Variants in ARHGAP10 observed in about 807,000 individuals in gnomAD.
ARHGAP10 encodes rho GTPase-activating protein 10.
ARHGAP10 carries 87 observed loss-of-function variants against 108.6 expected under a neutral mutation model. The observed-to-expected ratio is 0.80, with a 90% CI of 0.67 to 0.96. The LOEUF is 0.96. ARHGAP10 is among the 40% of genes least tolerant of loss of function. The pLI is 0.00. For synonymous variants in ARHGAP10, 347 were observed against 341.1 expected (o/e 1.02, Z -0.19); for missense variants, 939 against 954.5 (o/e 0.98, Z 0.21).
intron 20 of ARHGAP10, among the ~76,000 whole-genome samples, chr4:148,061,555 T>C (rs541727509): frequency 6.6e-6 from 1 of 152,298 alleles, no homozygotes; most frequent in South Asian, 2.1e-4. Flanking sequence ...ATAGATTTTA[T>C]GACTCCCAGA....
At chr4:148,065,970 A>AC (rs1250525068) in intron 22 of ARHGAP10, among the ~76,000 whole-genome samples, 3 of 106,088 alleles carry the variant, frequency 2.8e-5, no homozygotes, top group African/African-American at 7.2e-5. Flanking sequence ...ACACAGTGAG[A>AC]CCCCATCTCA....
At chr4:147,732,527 A>G in intron 1 of ARHGAP10, 72 bp downstream of exon 1, 1 of 1,584,906 alleles carries the variant, frequency 6.3e-7, no homozygotes, top group South Asian at 1.1e-5. Context: ...TCGGCAGGAG[A>G]CGGAGGGTCT....
rs531253659 is a variant in ARHGAP10, at chr4:147,934,325, C to T, written c.1229-5500C>T. On this transcript the variant is annotated intron_variant, in intron 13 of 22. Transcript: ENST00000336498. Reference sequence around the variant, plus strand: ...ATGTTGGTCTGCACTCTCAAAGTGACCCTCCCAGGTCTTGGGCTCCACCAA... The same window carrying T: ...ATGTTGGTCTGCACTCTCAAAGTGATCCTCCCAGGTCTTGGGCTCCACCAA... Among the ~76,000 whole-genome samples, 7 of 152,276 alleles carry T rather than the reference C, an allele frequency of 4.6e-5. No individual in the cohort carries two copies. The East Asian group carries it at 1.4e-3, about 29-fold the overall frequency.
At chr4:147,893,727 T>C (rs1735880646) in intron 10 of ARHGAP10, among the ~76,000 whole-genome samples, 1 of 151,922 alleles carries the variant, frequency 6.6e-6, no homozygotes, top group Non-Finnish European at 1.5e-5. Flanking sequence ...ATGTGATTTG[T>C]TCAATGATGA....
chr4:148,025,926 T>C (rs1741748568), intron 19 of ARHGAP10, among the ~76,000 whole-genome samples: 1 of 152,230 alleles, frequency 6.6e-6, no homozygotes, highest in Admixed American at 6.5e-5. Flanking sequence ...TTCTAGTTTA[T>C]ATGGGACAGA....
In ARHGAP10 at chr4:147,852,704, C is replaced by CT. The variant is rs869139032; in HGVS notation, c.385-4823dup. Among the ~76,000 whole-genome samples the CT allele has an allele frequency of 1.4e-3, 151 of 105,554 alleles. 1 individual carries two copies. The highest frequency in any genetic ancestry group is 4.7e-3 in the African/African-American group (131 of 28,016). 69.2% of individuals were successfully genotyped at this position (105,554 alleles called of 152,430 possible). A position where few individuals can be genotyped will look rare whatever the true frequency, so the allele number is the denominator to read the frequency against. On this transcript the variant is annotated intron_variant, in intron 4 of 22. Coordinates refer to ENST00000336498, the MANE Select transcript of ARHGAP10 (RefSeq NM_024605.4). Reference sequence around the variant, plus strand: ...TTTCTGGTCTCAGAACATCACCAAACTTTTTTTTTTTTTTTTTTTTTTTTT... The same window carrying CT: ...TTTCTGGTCTCAGAACATCACCAAACTTTTTTTTTTTTTTTTTTTTTTTTTT...
intron 16 of ARHGAP10, among the ~76,000 whole-genome samples, chr4:147,960,679 T>C (rs2126990744): frequency 6.6e-6 from 1 of 152,316 alleles, no homozygotes; most frequent in South Asian, 2.1e-4. Flanking sequence ...AATTTTCACA[T>C]GTAATCAGCC....
chr4:147,854,607 G>A (rs1480393567), intron 4 of ARHGAP10: 7 of 693,584 alleles, frequency 1.0e-5, no homozygotes, highest in African/African-American at 2.0e-5. Context: ...AGTATTGGGG[G>A]AAAAAAAAAG....
At chr4:147,767,927 A>G (rs899038223) in intron 1 of ARHGAP10, among the ~76,000 whole-genome samples, 19 of 152,234 alleles carry the variant, frequency 1.2e-4, no homozygotes, top group African/African-American at 4.1e-4. Context: ...GAGCAAAGAT[A>G]TGAGATTATC....
chr4:147,936,065 G>C (rs558937031), intron 13 of ARHGAP10, among the ~76,000 whole-genome samples: 14 of 152,256 alleles, frequency 9.2e-5, no homozygotes, highest in Non-Finnish European at 1.9e-4. Context: ...TGAATGCAGA[G>C]TATGATTTGC....
At chr4:147,988,518 A>G (rs1740127527) in intron 18 of ARHGAP10, among the ~76,000 whole-genome samples, 1 of 152,156 alleles carries the variant, frequency 6.6e-6, no homozygotes, top group Non-Finnish European at 1.5e-5. Flanking sequence ...TTAGTACATT[A>G]AGACCCACTT....
chr4:148,044,627 C>A (rs1161739327), intron 19 of ARHGAP10, among the ~76,000 whole-genome samples: 2 of 152,150 alleles, frequency 1.3e-5, no homozygotes, highest in African/African-American at 4.8e-5. Flanking sequence ...ATTTGAGATT[C>A]TCTTAATTTT....
intron 10 of ARHGAP10, among the ~76,000 whole-genome samples, chr4:147,886,230 G>A (rs1221887660): frequency 6.6e-6 from 1 of 152,180 alleles, no homozygotes; most frequent in Non-Finnish European, 1.5e-5. Flanking sequence ...CTCAACCGGT[G>A]CATTGCCAAT....
chr4:147,849,468 C>A (rs1291536206), intron 4 of ARHGAP10, among the ~76,000 whole-genome samples: 1 of 152,154 alleles, frequency 6.6e-6, no homozygotes, highest in Admixed American at 6.5e-5. Flanking sequence ...TTCAAAAAGA[C>A]TTTACTCTCT....
At chr4:147,946,577 A>G in intron 14 of ARHGAP10, 40 bp from the exon 15 acceptor site, 1 of 1,572,876 alleles carries the variant, frequency 6.4e-7, no homozygotes, top group Non-Finnish European at 8.7e-7. Context: ...TTTGATGATC[A>G]AGGTTTTAAT....
intron 9 of ARHGAP10, 81 bp from the exon 10 acceptor site, chr4:147,881,757 C>T: frequency 1.6e-6 from 2 of 1,255,244 alleles, no homozygotes; most frequent in East Asian, 2.4e-5. Flanking sequence ...ACCTTGCTCC[C>T]CTGCTCTCCA....
chr4:147,814,028 A>G (rs996011463), intron 1 of ARHGAP10, among the ~76,000 whole-genome samples: 1 of 152,008 alleles, frequency 6.6e-6, no homozygotes, highest in Non-Finnish European at 1.5e-5. Flanking sequence ...TATGTCTTCT[A>G]TTGCACTCCT....
intron 19 of ARHGAP10, among the ~76,000 whole-genome samples, chr4:148,027,708 T>G (rs1727938280): frequency 6.6e-6 from 1 of 152,160 alleles, no homozygotes; most frequent in South Asian, 2.1e-4. Context: ...TAGCTAAAAT[T>G]TAAATGTCAC....
intron 18 of ARHGAP10, among the ~76,000 whole-genome samples, chr4:147,974,407 G>C (rs1739519382): frequency 6.6e-6 from 1 of 152,076 alleles, no homozygotes; most frequent in Non-Finnish European, 1.5e-5. Context: ...TGAAGATTCT[G>C]AAGAGCCTGT....
Sources: gnomAD v4.1 joint callset for allele counts (sites outside exome capture counted in the v4.1 genomes callset) on GRCh38, gnomAD v4.1.1 for gene constraint, MANE v1.5 for transcripts, NCBI Gene and HGNC (gene_info 2026-07-23, HGNC 2026-07-21) for gene names.